NOTCH1: variants seen among roughly 807,000 people sequenced by gnomAD.
NOTCH1 encodes neurogenic locus notch homolog protein 1.
NOTCH1 carries 37 observed loss-of-function variants against 254.8 expected under a neutral mutation model. The ratio of observed to expected loss-of-function variants is 0.15; its 90% CI spans 0.11 to 0.19. The LOEUF (loss-of-function observed/expected upper bound fraction) is 0.19, where lower values mean the gene tolerates loss of function less well. Among genes scored for constraint, NOTCH1 ranks in the 10% least tolerant of loss-of-function variants. The probability of loss-of-function intolerance (pLI) is 1.00; values close to 1 mark genes in which losing one functional copy is unlikely to be tolerated. For missense variants in NOTCH1, 2,972 were observed against 3,708.6 expected (o/e 0.80, Z 5.16); for synonymous variants, 1,731 against 1,618.1 (o/e 1.07, Z -1.68).
Position 136,506,509 on chromosome 9 carries a change from C to A in NOTCH1, c.4014+18G>T, listed in dbSNP as rs2133342288. ...TCTCCCCTGGCGGGCCCCTGCCTCC[C>A]TGCACCCCTGCACCTACCGCAGGGC... is the stretch of plus-strand genomic sequence containing the variant. On this transcript the variant is annotated intron_variant, in intron 24 of 33. Transcript: ENST00000651671. This position sits in a 1 kb window ranked among gnomAD's most constrained non-coding sequence, Gnocchi z 4.5. The A allele has an allele frequency of 6.4e-7, 1 of 1,568,026 alleles. No individual in the cohort carries two copies. The highest frequency in any genetic ancestry group is 1.2e-5 in the South Asian group (1 of 85,726).
rs542300217 is a variant in NOTCH1, at chr9:136,498,973, C to T, written c.6106G>A (p.Ala2036Thr). The T allele has an allele frequency of 2.4e-5, 39 of 1,613,496 alleles. No individual in the cohort carries two copies. Among genetic ancestry groups the T allele is most frequent in the Non-Finnish European group, 3.1e-5 (37 of 1,180,012 alleles). ...GCGGCATCCACATTGTTCACGGCGG[C>T]GGCCCAGTGCAGGGCGGACTTGCCT... is the stretch of plus-strand genomic sequence containing the variant. The part of the protein sequence containing the change: ...DLGKSALHWA[A>T]AVNNVDAAVV... Residue 2036 changes from alanine (A) to threonine (T), a missense_variant, in exon 33 of 34, where the codon GCC becomes ACC. Around this residue, in one of 8 missense-constraint regions of NOTCH1, gnomAD observed 421 missense variants for 604.4 expected, o/e 0.70. Coordinates refer to ENST00000651671, the MANE Select transcript of NOTCH1 (RefSeq NM_017617.5).
rs574121767 is a variant in NOTCH1 at position 136,526,901 on chromosome 9, G to A, written c.141-2922C>T. Among the ~76,000 whole-genome samples, 3 of 152,354 alleles carry A rather than the reference G, an allele frequency of 2.0e-5. No individual in the cohort carries two copies. In the South Asian group the frequency reaches 6.2e-4, roughly 32 times the overall value. On this transcript the variant is annotated intron_variant, in intron 2 of 33. Transcript: ENST00000651671. ...GGGCAGGAGCCCCAGCCGGAGGCCT[G>A]AGGAGGCTCCCGTGGGGGAATGCAG... is the stretch of plus-strand genomic sequence containing the variant.
intron 3 of NOTCH1, 93 bp downstream of exon 3, chr9:136,523,624 C>T (rs1488924532): frequency 7.4e-6 from 11 of 1,492,248 alleles, no homozygotes; most frequent in East Asian, 2.5e-5. Flanking sequence ...GTCAGAGACC[C>T]GGGCCTGGAT....
chr9:136,535,620 T>A (rs868400753), intron 2 of NOTCH1, among the ~76,000 whole-genome samples: 1 of 3,832 alleles, frequency 2.6e-4, no homozygotes. Flanking sequence ...GCAGGGTGGG[T>A]GGAGAGGGGA....
intron 2 of NOTCH1, among the ~76,000 whole-genome samples, chr9:136,538,487 C>G (rs1843686980): frequency 6.6e-6 from 1 of 152,252 alleles, no homozygotes. Flanking sequence ...TTCACAGCCC[C>G]TCGGAGCTCC....
In NOTCH1 at chr9:136,516,032, C is replaced by G. The variant is rs1006356840; in HGVS notation, c.1618G>C (p.Gly540Arg). The stretch of plus-strand genomic sequence containing the variant: ...TTGGGTCCGTCCAGGCACTTGGCAC[C>G]ATTCTTGCAGGGGGTGCTGGCACAC... ...DECASTPCKN[G>R]AKCLDGPNTY... Residue 540 changes from glycine (G) to arginine (R), a missense_variant, in exon 10 of 34, where the codon GGT (glycine) becomes CGT (arginine). By Grantham distance (125) the Gly-to-Arg change is moderately radical. Coordinates refer to ENST00000651671, the MANE Select transcript of NOTCH1 (RefSeq NM_017617.5). The G allele has an allele frequency of 1.2e-6, 2 of 1,612,186 alleles. No individual in the cohort carries two copies. The highest frequency in any genetic ancestry group is 2.7e-5 in the African/African-American group (2 of 74,930).
At chr9:136,522,730 T>A in intron 4 of NOTCH1, 120 bp downstream of exon 4, 1 of 1,006,464 alleles carries the variant, frequency 9.9e-7, no homozygotes, top group East Asian at 2.7e-5. Context: ...CCATCCCGCC[T>A]TCCCAACTCC....
intron 2 of NOTCH1, among the ~76,000 whole-genome samples, chr9:136,524,647 T>C (rs1303834492): frequency 4.8e-5 from 7 of 146,998 alleles, no homozygotes; most frequent in African/African-American, 1.5e-4. Context: ...TTCTTTTTTT[T>C]TTTTTTTTTT....
At chr9:136,505,152 C>A (rs2133338068) in intron 25 of NOTCH1, 48 bp from the exon 26 acceptor site, 1 of 1,570,570 alleles carries the variant, frequency 6.4e-7, no homozygotes, top group Non-Finnish European at 8.6e-7. Context: ...GGGGGCCTCG[C>A]ACCCGCCGTC....
rs972785094 is a variant in NOTCH1 at position 136,545,537 on chromosome 9, G to T, written c.61+189C>A. Reference sequence around the variant, plus strand: ...CGGCGCGAGTCCGCCTCCACGGGGGGATCGAGGGGGAAGGTCGGTCCTCCC... The same window carrying T: ...CGGCGCGAGTCCGCCTCCACGGGGGTATCGAGGGGGAAGGTCGGTCCTCCC... On this transcript the variant is annotated intron_variant, in intron 1 of 33. Transcript: ENST00000651671. This position sits in a 1 kb window ranked among gnomAD's most constrained non-coding sequence, Gnocchi z 6.8. 6.6e-6 allele frequency among the ~76,000 whole-genome samples: 1 copy of T among 151,878 alleles called. No individual in the cohort carries two copies.
chr9:136,507,120 C>T (rs1040618077), intron 22 of NOTCH1, 147 bp from the exon 23 acceptor site: 1 of 1,453,244 alleles, frequency 6.9e-7, no homozygotes, highest in African/African-American at 1.4e-5. Context: ...TGGAGACGCC[C>T]TTCCCACTGG....
intron 2 of NOTCH1, among the ~76,000 whole-genome samples, chr9:136,533,518 C>T (rs1438336852): frequency 1.3e-5 from 2 of 152,256 alleles, no homozygotes; most frequent in African/African-American, 2.4e-5. Context: ...CAGCTCTCAC[C>T]GCCCACCTCC....
intron 21 of NOTCH1, 24 bp downstream of exon 21, chr9:136,507,931 C>T (rs1025912317): frequency 2.5e-6 from 4 of 1,611,172 alleles, no homozygotes; most frequent in Admixed American, 1.7e-5. Context: ...CGGCCACAAC[C>T]CTTACCCTAG....
intron 18 of NOTCH1, among the ~76,000 whole-genome samples, 165 bp downstream of exon 18, chr9:136,509,568 A>G (rs541275585): frequency 1.3e-5 from 2 of 152,332 alleles, no homozygotes; most frequent in Admixed American, 6.5e-5. Flanking sequence ...TGGCCCTCTC[A>G]GGAGGGACAG....
intron 15 of NOTCH1, among the ~76,000 whole-genome samples, chr9:136,512,092 GA>G (rs1326523256): frequency 6.6e-6 from 1 of 152,232 alleles, no homozygotes; most frequent in African/African-American, 2.4e-5. Context: ...TGTGCGAAAG[GA>G]AGCAGGAAGC....
rs979678391 is a variant in NOTCH1, at chr9:136,530,100, C to G, written c.141-6121G>C. Among the ~76,000 whole-genome samples the G allele has an allele frequency of 1.4e-4, 21 of 152,282 alleles. 1 individual carries two copies. The South Asian group carries it at 3.1e-3, about 23-fold the overall frequency. ...AGCCAGCCCCAAACAGCCGCCGCTC[C>G]GGAGACAGCGGGCAGCAGGGGGCGG... On this transcript the variant is annotated intron_variant, in intron 2 of 33. Coordinates refer to ENST00000651671, the MANE Select transcript of NOTCH1 (RefSeq NM_017617.5).
intron 17 of NOTCH1, among the ~76,000 whole-genome samples, chr9:136,510,215 G>T (rs1034760763): frequency 5.3e-5 from 8 of 152,332 alleles, no homozygotes; most frequent in African/African-American, 1.2e-4. Flanking sequence ...AGCTTTGCAG[G>T]CTTCACAGAC....
rs2133328697 is a variant in NOTCH1, at chr9:136,501,797, G to T, written c.5589C>A (p.Pro1863=). The change falls in exon 30 of 34, where the codon CCC becomes CCA. Residue 1863 remains proline, a synonymous_variant. Coordinates refer to ENST00000651671, the MANE Select transcript of NOTCH1 (RefSeq NM_017617.5). ...LRMSAMAPTP[P]QGEVDADCMD... is the part of the protein sequence containing the mutation. ...TGCAGTCGGCGTCAACCTCACCCTG[G>T]GGCGGTGTGGGGGCCATGGCAGACA... The T allele has an allele frequency of 6.2e-7, 1 of 1,612,776 alleles. No homozygotes were observed. Among genetic ancestry groups the T allele is most frequent in the Non-Finnish European group, 8.5e-7 (1 of 1,179,990 alleles).
chr9:136,500,714 T>C lies in NOTCH1; in HGVS notation c.5772A>G (p.Thr1924=), dbSNP rs957720015. ...GCAAGGCGGTCTCGCCCGTGCGGTC[T>C]GTCTGGTTGTGCAGGCTGGCGCCCT... ...IYQGASLHNQ[T]DRTGETALHL... is the part of the protein sequence containing the mutation. The change falls in exon 31 of 34, where the codon ACA becomes ACG. Residue 1924 remains threonine, a synonymous_variant. Coordinates refer to ENST00000651671, the MANE Select transcript of NOTCH1 (RefSeq NM_017617.5). The C allele has an allele frequency of 6.2e-7, 1 of 1,609,506 alleles. No individual in the cohort carries two copies. The highest frequency in any genetic ancestry group is 8.5e-7 in the Non-Finnish European group (1 of 1,179,898).
Sources: gnomAD v4.1 joint callset for allele counts (sites outside exome capture counted in the v4.1 genomes callset) on GRCh38, gnomAD v4.1.1 for gene constraint, gnomAD v4.1.1 regional missense constraint, Gnocchi (gnomAD v3.1) non-coding constraint, MANE v1.5 for transcripts, NCBI Gene and HGNC (gene_info 2026-07-23, HGNC 2026-07-21) for gene names.